The following RPAP3 variants were observed in gnomAD, a reference collection of about 807,000 sequenced individuals.
The protein encoded by RPAP3 is RNA polymerase II associated protein 3.
In RPAP3, 58 loss-of-function variants were observed where a neutral mutation model predicts 88.8. That is an observed-to-expected ratio of 0.65 (90% confidence interval 0.53 to 0.81). The LOEUF (loss-of-function observed/expected upper bound fraction) is 0.81, where lower values mean the gene tolerates loss of function less well. Among genes scored for constraint, RPAP3 ranks in the 40% least tolerant of loss-of-function variants. RPAP3 has a pLI of 0.00. For synonymous variants in RPAP3, 255 were observed against 259.9 expected, an observed-to-expected ratio of 0.98 and a Z score of 0.18; for missense variants, 751 against 764.3, an observed-to-expected ratio of 0.98 and a Z score of 0.20.
chr12:47,688,697 T>C (rs887581952), intron 7 of RPAP3, among the ~76,000 whole-genome samples: 1 of 152,146 alleles, frequency 6.6e-6, no homozygotes, highest in Non-Finnish European at 1.5e-5. Flanking sequence ...ATTTTAAACA[T>C]ATGTAATACA....
In RPAP3 at chr12:47,687,369, T is replaced by G. The variant is rs181425049; in HGVS notation, c.865-462A>C. 2.6e-5 allele frequency among the ~76,000 whole-genome samples: 4 copies of G among 152,256 alleles called. No individual in the cohort carries two copies. The East Asian group carries it at 7.7e-4, about 29-fold the overall frequency. Reference sequence around the variant, plus strand: ...CAAATATAAGATAAATTCAGCTGTATTGGAATTTGTATACCTGATTTCACT... The same window carrying G: ...CAAATATAAGATAAATTCAGCTGTAGTGGAATTTGTATACCTGATTTCACT... On this transcript the variant is annotated intron_variant, in intron 8 of 16. Transcript: ENST00000005386.
At chr12:47,698,090 T>G (rs1408051430) in intron 3 of RPAP3, among the ~76,000 whole-genome samples, 1 of 152,164 alleles carries the variant, frequency 6.6e-6, no homozygotes, top group African/African-American at 2.4e-5. Flanking sequence ...AAAAAAAATT[T>G]TTTTCTTCCT....
At chr12:47,669,989 A>G (rs1363111974) in intron 13 of RPAP3, 118 bp downstream of exon 13, 1 of 669,262 alleles carries the variant, frequency 1.5e-6, no homozygotes, top group Non-Finnish European at 2.6e-6. Flanking sequence ...TAGAAACTTA[A>G]GTTAGGCAGT....
At chr12:47,677,907 T>C (rs537372984) in intron 12 of RPAP3, among the ~76,000 whole-genome samples, 2 of 152,274 alleles carry the variant, frequency 1.3e-5, no homozygotes, top group African/African-American at 4.8e-5. Flanking sequence ...ACTTTAAAGT[T>C]CATATGGAAC....
At chr12:47,688,904 A>C (rs907189942) in intron 7 of RPAP3, among the ~76,000 whole-genome samples, 1 of 152,262 alleles carries the variant, frequency 6.6e-6, no homozygotes, top group Non-Finnish European at 1.5e-5. Context: ...AAGCAGCAGT[A>C]GTTCTTAAAG....
At chr12:47,667,476 C>A (rs1044875819) in intron 15 of RPAP3, among the ~76,000 whole-genome samples, 9 of 152,164 alleles carry the variant, frequency 5.9e-5, no homozygotes, top group African/African-American at 2.2e-4. Context: ...TTGCTATATA[C>A]ATTCAAAGAG....
At chr12:47,690,190 A>AAAAAAAAAAAAG (rs1209604304) in intron 6 of RPAP3, among the ~76,000 whole-genome samples, 3 of 152,228 alleles carry the variant, frequency 2.0e-5, no homozygotes, top group Non-Finnish European at 4.4e-5. Flanking sequence ...AAAATGTGTT[A>AAAAAAAAAAAAG]TGAGCTTTAA....
rs779510671 is a variant in RPAP3, at chr12:47,668,983, G to A, written c.1646C>T (p.Ser549Leu). The change falls in exon 14 of 17, where the codon TCG (serine) becomes TTG (leucine). Residue 549 changes from serine to leucine, a missense_variant. Physicochemically the swap from Ser to Leu is moderately radical, Grantham distance 145. Transcript: ENST00000005386. ...TTVLPPIPANSFQLESDFRQL... is the reference protein window; with the variant it reads ...TTVLPPIPANLFQLESDFRQL... The stretch of plus-strand genomic sequence containing the variant: ...TCTGAAATCAGATTCGAGCTGGAAC[G>A]AGTTTGCAGGAATTGGAGGAAGAAC... The A allele has an allele frequency of 1.5e-5, 24 of 1,613,970 alleles. No individual in the cohort carries two copies. The highest frequency in any genetic ancestry group is 8.3e-5 in the Admixed American group (5 of 60,020).
At chr12:47,680,553 C>T (rs1939203386) in intron 10 of RPAP3, among the ~76,000 whole-genome samples, 1 of 151,718 alleles carries the variant, frequency 6.6e-6, no homozygotes, top group Non-Finnish European at 1.5e-5. Context: ...CAGGAAAGAA[C>T]AGAGGCTGAA....
chr12:47,701,526 C>G lies in RPAP3; in HGVS notation c.232G>C (p.Glu78Gln), dbSNP rs1939652882. Residue 78 changes from glutamate to glutamine, a missense_variant, in exon 3 of 17, where the codon GAG (glutamate) becomes CAG (glutamine). Physicochemically the swap from Glu to Gln is conservative, Grantham distance 29. Transcript: ENST00000005386. ...TTTATCCTGTTTTTTGTGTTTTCCT[C>G]TCTGGTTTTTTTGGAAGACTCTTTA... ...KAKESSKKTREENTKNRIKSY... is the reference protein window; with the variant it reads ...KAKESSKKTRQENTKNRIKSY... 2 of 1,602,300 alleles carry G rather than the reference C, an allele frequency of 1.2e-6. No individual in the cohort carries two copies. Among genetic ancestry groups the G allele is most frequent in the Non-Finnish European group, 1.7e-6 (2 of 1,175,136 alleles).
intron 12 of RPAP3, among the ~76,000 whole-genome samples, chr12:47,676,867 G>C (rs1453424230): frequency 6.6e-6 from 1 of 152,154 alleles, no homozygotes; most frequent in Non-Finnish European, 1.5e-5. Context: ...TAGAAAAAGA[G>C]GGAATCCTCC....
intron 12 of RPAP3, among the ~76,000 whole-genome samples, chr12:47,675,406 T>A (rs1318201874): frequency 6.6e-6 from 1 of 152,162 alleles, no homozygotes; most frequent in Non-Finnish European, 1.5e-5. Flanking sequence ...AATATTACCC[T>A]TAAATGTAAA....
intron 5 of RPAP3, among the ~76,000 whole-genome samples, chr12:47,692,858 T>C (rs1295234864): frequency 3.3e-5 from 5 of 152,192 alleles, no homozygotes; most frequent in African/African-American, 9.7e-5. Flanking sequence ...TGAATACTTA[T>C]ATGCCACTGT....
At chr12:47,672,614 A>C (rs1490700839) in intron 12 of RPAP3, among the ~76,000 whole-genome samples, 1 of 146,088 alleles carries the variant, frequency 6.8e-6, no homozygotes, top group African/African-American at 2.4e-5. Flanking sequence ...TCTACTTTTT[A>C]AAAATAATGC....
intron 6 of RPAP3, 70 bp from the exon 7 acceptor site, chr12:47,689,265 T>C: frequency 1.6e-6 from 1 of 637,272 alleles, no homozygotes; most frequent in South Asian, 1.9e-5. Context: ...CAAAACAATC[T>C]TTTGTTGCCT....
intron 10 of RPAP3, among the ~76,000 whole-genome samples, 187 bp downstream of exon 10, chr12:47,681,509 A>G (rs1054627823): frequency 9.9e-5 from 15 of 152,246 alleles, no homozygotes; most frequent in Non-Finnish European, 1.2e-4. Context: ...GCTACTAAAC[A>G]AAAAGATAAT....
chr12:47,704,644 C>T (rs2136650074), intron 1 of RPAP3, among the ~76,000 whole-genome samples: 1 of 151,866 alleles, frequency 6.6e-6, no homozygotes, highest in Non-Finnish European at 1.5e-5. Flanking sequence ...TCCCAAAGTG[C>T]TGGGATTATA....
At chr12:47,680,539 A>G (rs1270684767) in intron 10 of RPAP3, among the ~76,000 whole-genome samples, 1 of 152,174 alleles carries the variant, frequency 6.6e-6, no homozygotes, top group Non-Finnish European at 1.5e-5. Context: ...TTAAATGCAC[A>G]TACCAGGAAA....
chr12:47,697,745 G>T (rs1197891818), intron 3 of RPAP3, 26 bp from the exon 4 acceptor site: 2 of 1,348,612 alleles, frequency 1.5e-6, no homozygotes, highest in Non-Finnish European at 1.0e-6. Context: ...GGAAAACAGG[G>T]GTCATAATTA....
Sources: allele counts gnomAD v4.1 joint callset (sites outside exome capture counted in the v4.1 genomes callset), GRCh38; gene constraint gnomAD v4.1.1; transcripts MANE v1.5; gene names NCBI Gene and HGNC (gene_info 2026-07-23, HGNC 2026-07-21).